Variants in ZFAND4 observed in about 807,000 individuals in gnomAD.
The protein encoded by ZFAND4 is zinc finger AN1-type containing 4, also known as AN1-type zinc finger protein 4.
In ZFAND4, 43 loss-of-function variants were observed where a neutral mutation model predicts 64.4. That is an observed-to-expected ratio of 0.67 (90% CI 0.52 to 0.86). The LOEUF is 0.86. ZFAND4 is among the 40% of genes least tolerant of loss of function. The pLI, the probability that ZFAND4 is intolerant of heterozygous loss-of-function variation, is 0.00. For missense variants in ZFAND4, 929 were observed against 859.8 expected (o/e 1.08, Z -1.01); for synonymous variants, 296 against 305.7 (o/e 0.97, Z 0.33).
intron 6 of ZFAND4, among the ~76,000 whole-genome samples, chr10:45,629,043 C>T (rs985854368): frequency 6.6e-6 from 1 of 151,862 alleles, no homozygotes; most frequent in African/African-American, 2.4e-5. Context: ...ATATCAAACA[C>T]AGGCTACCGA....
At chr10:45,617,896 A>C (rs764863050) in intron 9 of ZFAND4, 21 of 215,886 alleles carry the variant, frequency 9.7e-5, no homozygotes, top group Non-Finnish European at 1.7e-4. Context: ...AAAAAGGTAC[A>C]CTCTCAGATT....
chr10:45,650,389 G>A (rs146430743), intron 4 of ZFAND4: 2 of 152,272 alleles, frequency 1.3e-5, no homozygotes, highest in African/African-American at 4.8e-5. Flanking sequence ...ACCACTGCCT[G>A]TAATCCCAGC....
intron 2 of ZFAND4, among the ~76,000 whole-genome samples, chr10:45,653,458 A>G (rs1209368769): frequency 6.6e-6 from 1 of 152,234 alleles, no homozygotes; most frequent in Admixed American, 6.5e-5. Context: ...ATCTGTAAAG[A>G]ACTTAATTCA....
intron 6 of ZFAND4, among the ~76,000 whole-genome samples, chr10:45,634,339 A>G (rs529454570): frequency 6.6e-6 from 1 of 152,140 alleles, no homozygotes; most frequent in African/African-American, 2.4e-5. Context: ...TCTGGCCAAC[A>G]TGGTGAAACC....
chr10:45,633,589 A>T (rs1194330849), intron 6 of ZFAND4, among the ~76,000 whole-genome samples: 1 of 152,058 alleles, frequency 6.6e-6, no homozygotes, highest in Non-Finnish European at 1.5e-5. Flanking sequence ...GAACATTTTC[A>T]AAATATATTA....
chr10:45,653,333 C>T (rs2047886563), intron 2 of ZFAND4, among the ~76,000 whole-genome samples: 1 of 152,064 alleles, frequency 6.6e-6, no homozygotes, highest in Admixed American at 6.5e-5. Flanking sequence ...CTTTAAAAGG[C>T]AAGATATCAT....
rs757431880 is a variant in ZFAND4, at chr10:45,651,974, G to A, written c.320C>T (p.Thr107Ile). ...VLAMRGGPIN[T>I]RRVPTDDPLR... is the part of the protein sequence containing the mutation. The stretch of plus-strand genomic sequence containing the variant: ...TATATATATATGCCTACCTCTTCTA[G>A]TATTTATAGGTCCGCCACGCATAGC... The change falls in exon 4 of 10, where the codon ACT becomes ATT. Residue 107 changes from threonine to isoleucine, a missense_variant. Transcript: ENST00000344646. 6.2e-7 allele frequency: 1 copy of A among 1,613,466 alleles called. No homozygotes were observed. The highest frequency in any genetic ancestry group is 8.5e-7 in the Non-Finnish European group (1 of 1,179,524).
At chr10:45,648,640 T>A (rs945653052) in intron 4 of ZFAND4, 106 bp from the exon 5 acceptor site, 2 of 1,225,840 alleles carry the variant, frequency 1.6e-6, no homozygotes, top group East Asian at 5.2e-5. Context: ...GTCCTGTGCA[T>A]ATAATATAAA....
intron 6 of ZFAND4, among the ~76,000 whole-genome samples, chr10:45,634,516 G>C (rs534761426): frequency 7.1e-6 from 1 of 141,628 alleles, no homozygotes; most frequent in East Asian, 2.1e-4. Flanking sequence ...GCAACAGCAA[G>C]ACTCCATCTC....
chr10:45,649,640 CTTTATGAAAACAGTTA>C (rs2047628395), intron 4 of ZFAND4: 1 of 152,188 alleles, frequency 6.6e-6, no homozygotes, highest in African/African-American at 2.4e-5. Context: ...GTTTAGCTTG[CTTTATGAAAACAGTTA>C]TTTGGATGTT....
intron 5 of ZFAND4, among the ~76,000 whole-genome samples, chr10:45,646,399 A>G (rs921364953): frequency 6.6e-6 from 1 of 152,196 alleles, no homozygotes; most frequent in Non-Finnish European, 1.5e-5. Context: ...TCTTCATGGT[A>G]TGATCAGATT....
In ZFAND4 at chr10:45,625,919, C is replaced by CT. The variant is rs779611041; in HGVS notation, c.1872+31dup. 4 of 1,593,062 alleles carry CT rather than the reference C, an allele frequency of 2.5e-6. No homozygotes were observed. In the East Asian group the frequency reaches 8.9e-5, roughly 36 times the overall value. On this transcript the variant is annotated intron_variant, in intron 7 of 9. Transcript: ENST00000344646. ...ATAAGTTGAATCACTACAAGGATAA[C>CT]TACTAGAGCATGTTGAAAGGAAAAT...
chr10:45,626,675 A>G lies in ZFAND4; in HGVS notation c.1148T>C (p.Leu383Ser). 1 of 1,614,224 alleles carries G rather than the reference A, an allele frequency of 6.2e-7. No individual in the cohort carries two copies. The highest frequency in any genetic ancestry group is 8.5e-7 in the Non-Finnish European group (1 of 1,180,034). ...NLPSSNGNIV[L>S]PSEECVTEQS... is the part of the protein sequence containing the mutation. Reference sequence around the variant, plus strand: ...TTCGGTTACACATTCTTCTGAAGGTAAGACAATGTTCCCATTACTAGATGG... The same window carrying G: ...TTCGGTTACACATTCTTCTGAAGGTGAGACAATGTTCCCATTACTAGATGG... Residue 383 changes from leucine to serine, a missense_variant, in exon 7 of 10, where the codon TTA (leucine) becomes TCA (serine). Coordinates refer to ENST00000344646, the MANE Select transcript of ZFAND4 (RefSeq NM_174890.4).
chr10:45,640,066 A>T (rs1467630992), intron 5 of ZFAND4, 103 bp from the exon 6 acceptor site: 2 of 1,369,726 alleles, frequency 1.5e-6, no homozygotes, highest in Admixed American at 2.5e-5. Context: ...TAATGATAAA[A>T]CACTACATCC....
rs948630858 is a variant in ZFAND4, at chr10:45,654,635, T to A, written c.185-1576A>T. 1.8e-4 allele frequency among the ~76,000 whole-genome samples: 27 copies of A among 151,180 alleles called. 1 individual carries two copies. Among genetic ancestry groups the A allele is most frequent in the Middle Eastern group, 3.5e-3 (1 of 288 alleles). ...TCCATCTCAAAAAAAAAAAAAGATATCATGAATCAGGCCTGAAGAGTTTAG... is the reference window on the plus strand; with the variant it reads ...TCCATCTCAAAAAAAAAAAAAGATAACATGAATCAGGCCTGAAGAGTTTAG... On this transcript the variant is annotated intron_variant, in intron 2 of 9. Coordinates refer to ENST00000344646, the MANE Select transcript of ZFAND4 (RefSeq NM_174890.4).
intron 5 of ZFAND4, among the ~76,000 whole-genome samples, chr10:45,646,111 G>A (rs113605564): frequency 0.016 from 2,451 of 152,154 alleles, 75 homozygotes; most frequent in African/African-American, 0.055. Flanking sequence ...TAGGTAAAAC[G>A]TTATTCCCAT....
In ZFAND4 at chr10:45,627,076, G is replaced by A; in HGVS notation, c.747C>T (p.His249=). 2 of 1,558,802 alleles carry A rather than the reference G, an allele frequency of 1.3e-6. No homozygotes were observed. Among genetic ancestry groups the A allele is most frequent in the Non-Finnish European group, 1.7e-6 (2 of 1,153,006 alleles). The part of the protein sequence containing the change: ...KPKKAVKIKP[H]PPVAPRPSSG... The stretch of plus-strand genomic sequence containing the variant: ...TAGAAGGTCGAGGAGCTACAGGTGG[G>A]TGAGGTTTTATCTTGACAGCTTTCT... The change falls in exon 7 of 10, where the codon CAC becomes CAT. Residue 249 remains histidine (H), a synonymous_variant. Coordinates refer to ENST00000344646, the MANE Select transcript of ZFAND4 (RefSeq NM_174890.4).
At chr10:45,616,611 T>C (rs973459349) in intron 9 of ZFAND4, 40 bp from the exon 10 acceptor site, 4 of 1,610,086 alleles carry the variant, frequency 2.5e-6, no homozygotes, top group African/African-American at 1.3e-5. Context: ...GTTGTATTTC[T>C]ATGAAAGGCT....
At chr10:45,618,892 T>C (rs1274023953) in intron 8 of ZFAND4, among the ~76,000 whole-genome samples, 1 of 152,208 alleles carries the variant, frequency 6.6e-6, no homozygotes, top group Admixed American at 6.5e-5. Context: ...TAAAATGTCA[T>C]ATTAATAATA....
Sources: gnomAD v4.1 joint callset for allele counts (sites outside exome capture counted in the v4.1 genomes callset) on GRCh38, gnomAD v4.1.1 for gene constraint, MANE v1.5 for transcripts, NCBI Gene and HGNC (gene_info 2026-07-23, HGNC 2026-07-21) for gene names.